Variants in SRPK2 observed in about 807,000 individuals in gnomAD.
SRPK2 encodes SRSF protein kinase 2.
SRPK2 carries 21 observed loss-of-function variants against 90.8 expected under a neutral mutation model. The observed-to-expected ratio is 0.23, with a 90% confidence interval of 0.16 to 0.33. SRPK2 has a LOEUF of 0.33. Ranked by LOEUF, SRPK2 falls within the 10% of genes least tolerant of loss-of-function variation. The pLI, the probability that SRPK2 is intolerant of heterozygous loss-of-function variation, is 1.00. For synonymous variants in SRPK2, 288 were observed against 311.1 expected (o/e 0.93, Z 0.78); for missense variants, 620 against 869.0 (o/e 0.71, Z 3.60).
At chr7:105,311,383 C>A (rs375284230) in intron 2 of SRPK2, among the ~76,000 whole-genome samples, 2 of 152,148 alleles carry the variant, frequency 1.3e-5, no homozygotes, top group South Asian at 2.1e-4. Context: ...GTGGCACCTG[C>A]CACCACGCCT....
chr7:105,190,635 T>C (rs1294381419), intron 3 of SRPK2, among the ~76,000 whole-genome samples: 1 of 152,170 alleles, frequency 6.6e-6, no homozygotes. Context: ...CCAAAGACCA[T>C]CCTCACGTTC....
At chr7:105,277,425 A>G (rs1806672827) in intron 2 of SRPK2, among the ~76,000 whole-genome samples, 1 of 152,210 alleles carries the variant, frequency 6.6e-6, no homozygotes, top group Non-Finnish European at 1.5e-5. Context: ...AAGGCCCGCA[A>G]AGGCTTTTCT....
At chr7:105,154,898 C>G (rs1205306040) in intron 7 of SRPK2, among the ~76,000 whole-genome samples, 1 of 151,922 alleles carries the variant, frequency 6.6e-6, no homozygotes, top group African/African-American at 2.4e-5. Flanking sequence ...TGGTCTAGAA[C>G]TCCTGACCTC....
At chr7:105,217,937 T>A (rs1471823246) in intron 2 of SRPK2, among the ~76,000 whole-genome samples, 3 of 152,014 alleles carry the variant, frequency 2.0e-5, no homozygotes, top group Non-Finnish European at 4.4e-5. Flanking sequence ...AAACAAAACA[T>A]GTGGAAAGGT....
intron 1 of SRPK2, among the ~76,000 whole-genome samples, chr7:105,395,387 G>A (rs1822293526): frequency 6.6e-6 from 1 of 151,666 alleles, no homozygotes; most frequent in African/African-American, 2.4e-5. Flanking sequence ...ACAATCTGTT[G>A]GGAGTATGGT....
intron 2 of SRPK2, among the ~76,000 whole-genome samples, chr7:105,351,400 G>C (rs1373886328): frequency 6.6e-6 from 1 of 152,086 alleles, no homozygotes; most frequent in Non-Finnish European, 1.5e-5. Flanking sequence ...GCTCACCCCT[G>C]TAATCCCAGC....
chr7:105,179,466 C>T (rs977657811), intron 3 of SRPK2, among the ~76,000 whole-genome samples: 1 of 152,088 alleles, frequency 6.6e-6, no homozygotes, highest in African/African-American at 2.4e-5. Context: ...AAGCATAATC[C>T]GATTCACTAC....
At chr7:105,140,470 G>A (rs1442895471) in intron 11 of SRPK2, among the ~76,000 whole-genome samples, 2 of 148,902 alleles carry the variant, frequency 1.3e-5, no homozygotes, top group East Asian at 2.0e-4. Context: ...GCATGGTGAC[G>A]GGCGCCTGTA....
chr7:105,393,348 T>G (rs1822232288), upstream of SRPK2, among the ~76,000 whole-genome samples: 1 of 152,014 alleles, frequency 6.6e-6, no homozygotes, highest in South Asian at 2.1e-4. Context: ...GCCAGGCTGG[T>G]CTCAAACTCC....
intron 13 of SRPK2, among the ~76,000 whole-genome samples, chr7:105,129,369 A>T (rs1465654983): frequency 6.6e-6 from 1 of 152,114 alleles, no homozygotes; most frequent in Non-Finnish European, 1.5e-5. Context: ...TTACAATGAA[A>T]AAAACTCTGC....
intron 2 of SRPK2, among the ~76,000 whole-genome samples, chr7:105,235,892 C>T (rs917663269): frequency 2.6e-5 from 4 of 152,034 alleles, no homozygotes; most frequent in South Asian, 2.1e-4. Flanking sequence ...CACTATTCTC[C>T]GGGGGATAAT....
intron 2 of SRPK2, among the ~76,000 whole-genome samples, chr7:105,371,626 A>C (rs2132455578): frequency 6.7e-6 from 1 of 149,160 alleles, no homozygotes; most frequent in African/African-American, 2.5e-5. Flanking sequence ...TATGGTAGGT[A>C]GTGCATGCCT....
At chr7:105,153,141 G>GT (rs1805974278) in intron 7 of SRPK2, among the ~76,000 whole-genome samples, 1 of 152,130 alleles carries the variant, frequency 6.6e-6, no homozygotes, top group Non-Finnish European at 1.5e-5. Flanking sequence ...AGCCAGGGAC[G>GT]TGACTCTCAA....
intron 7 of SRPK2, among the ~76,000 whole-genome samples, chr7:105,149,183 T>C (rs1266849585): frequency 6.6e-6 from 1 of 152,196 alleles, no homozygotes; most frequent in African/African-American, 2.4e-5. Flanking sequence ...GGGAACTGAA[T>C]GTCTCGGTAT....
chr7:105,199,399 C>G (rs1376921314), intron 3 of SRPK2, among the ~76,000 whole-genome samples: 1 of 152,070 alleles, frequency 6.6e-6, no homozygotes, highest in African/African-American at 2.4e-5. Context: ...GGTGAAGTAT[C>G]AGAAGAAAAA....
intron 2 of SRPK2, among the ~76,000 whole-genome samples, chr7:105,358,078 G>T (rs940485148): frequency 2.0e-5 from 3 of 151,884 alleles, no homozygotes; most frequent in African/African-American, 7.3e-5. Context: ...ACAAAAATTA[G>T]TTGGGCGTGC....
At chr7:105,157,814 T>C (rs1025244799) in intron 7 of SRPK2, among the ~76,000 whole-genome samples, 2 of 152,158 alleles carry the variant, frequency 1.3e-5, no homozygotes, top group African/African-American at 4.8e-5. Context: ...GGTATAATCC[T>C]AGCAACTTTG....
chr7:105,317,055 G>A (rs1014119688), intron 2 of SRPK2, among the ~76,000 whole-genome samples: 13 of 152,180 alleles, frequency 8.5e-5, no homozygotes, highest in African/African-American at 3.1e-4. Context: ...GCAACTCCCA[G>A]TGTTAATGTT....
chr7:105,274,018 A>G (rs560989335), intron 2 of SRPK2, among the ~76,000 whole-genome samples: 64 of 152,316 alleles, frequency 4.2e-4, no homozygotes, highest in Non-Finnish European at 8.5e-4. Context: ...ACTGGAGGCA[A>G]TCACATTCTT....
Sources: allele counts gnomAD v4.1 joint callset (sites outside exome capture counted in the v4.1 genomes callset), GRCh38; gene constraint gnomAD v4.1.1; transcripts MANE v1.5; gene names NCBI Gene and HGNC (gene_info 2026-07-23, HGNC 2026-07-21).